SLC4A4: variants seen among roughly 807,000 people sequenced by gnomAD.
SLC4A4 encodes solute carrier family 4 member 4.
SLC4A4 carries 27 observed loss-of-function variants against 111.5 expected under a neutral mutation model. The ratio of observed to expected loss-of-function variants is 0.24; its 90% CI spans 0.18 to 0.33. The LOEUF (loss-of-function observed/expected upper bound fraction) is 0.33, where lower values mean the gene tolerates loss of function less well. SLC4A4 is among the 10% of genes least tolerant of loss of function. The pLI is 1.00. For missense variants in SLC4A4, 909 were observed against 1,315.5 expected, an observed-to-expected ratio of 0.69 and a Z score of 4.78; for synonymous variants, 443 against 463.4, an observed-to-expected ratio of 0.96 and a Z score of 0.57.
chr4:71,405,944 G>A lies in SLC4A4; in HGVS notation c.807+8291G>A, dbSNP rs571808660. On this transcript the variant is annotated intron_variant, in intron 7 of 25. Coordinates refer to ENST00000264485, the MANE Select transcript of SLC4A4 (RefSeq NM_001098484.3). Reference sequence around the variant, plus strand: ...AAGTAAGGAGGTGAAAAGTGCAGTGGCCATATACTTGCTTTGACTGAAGAT... The same window carrying A: ...AAGTAAGGAGGTGAAAAGTGCAGTGACCATATACTTGCTTTGACTGAAGAT... Among the ~76,000 whole-genome samples, 35 of 110,180 alleles carry A rather than the reference G, an allele frequency of 3.2e-4. No individual in the cohort carries two copies. The South Asian group carries it at 4.0e-3, about 12-fold the overall frequency. 72.3% of individuals were successfully genotyped at this position (110,180 alleles called of 152,430 possible).
chr4:71,410,527 A>G (rs1004263880), intron 7 of SLC4A4, among the ~76,000 whole-genome samples: 3 of 152,108 alleles, frequency 2.0e-5, no homozygotes, highest in South Asian at 4.2e-4. Context: ...CAATACCTGT[A>G]CTCCCATTGT....
At chr4:71,504,974 GT>G (rs1393743699) in intron 16 of SLC4A4, among the ~76,000 whole-genome samples, 1 of 152,106 alleles carries the variant, frequency 6.6e-6, no homozygotes, top group Non-Finnish European at 1.5e-5. Flanking sequence ...GTGAGAACAT[GT>G]GGTATTTGGT....
chr4:71,478,721 T>C (rs915513523), intron 14 of SLC4A4, among the ~76,000 whole-genome samples: 2 of 151,748 alleles, frequency 1.3e-5, no homozygotes, highest in East Asian at 3.9e-4. Context: ...CTGCACATTC[T>C]GCACATGTAT....
At chr4:71,173,660 C>T (rs1294147654) in intron 2 of SLC4A4, among the ~76,000 whole-genome samples, 1 of 152,148 alleles carries the variant, frequency 6.6e-6, no homozygotes, top group African/African-American at 2.4e-5. Context: ...CAGGCATAAG[C>T]CACTGTGCCT....
At chr4:71,350,601 C>CG (rs1387854068) in intron 5 of SLC4A4, among the ~76,000 whole-genome samples, 1 of 151,938 alleles carries the variant, frequency 6.6e-6, no homozygotes, top group African/African-American at 2.4e-5. Context: ...ACAAGCTCTC[C>CG]GAAAAAGAAC....
chr4:71,303,602 C>T (rs925170500), intron 3 of SLC4A4, among the ~76,000 whole-genome samples: 3 of 152,118 alleles, frequency 2.0e-5, no homozygotes, highest in African/African-American at 7.2e-5. Context: ...AGATGGGAGG[C>T]CGTAATTTAA....
At chr4:71,139,726 A>AGTATTT (rs1283281750) in intron 2 of SLC4A4, among the ~76,000 whole-genome samples, 2 of 152,148 alleles carry the variant, frequency 1.3e-5, no homozygotes, top group African/African-American at 4.8e-5. Context: ...ACTGATACAT[A>AGTATTT]GTATTTGTAC....
At chr4:71,262,634 T>C (rs548763681) in intron 3 of SLC4A4, among the ~76,000 whole-genome samples, 2 of 152,322 alleles carry the variant, frequency 1.3e-5, no homozygotes, top group South Asian at 4.1e-4. Flanking sequence ...GCAATACTTC[T>C]TATTTGGAAT....
intron 6 of SLC4A4, among the ~76,000 whole-genome samples, chr4:71,371,070 T>C (rs913322424): frequency 1.3e-5 from 2 of 152,284 alleles, no homozygotes; most frequent in African/African-American, 4.8e-5. Context: ...ACCTAGTGAA[T>C]AACTAAGGTG....
At chr4:71,086,944 C>G (rs199764958) in intron 1 of SLC4A4, among the ~76,000 whole-genome samples, 1 of 152,020 alleles carries the variant, frequency 6.6e-6, no homozygotes, top group Admixed American at 6.5e-5. Context: ...AGGATTCCCT[C>G]TTTTTCTATT....
rs1426839507 is a variant in SLC4A4, at chr4:71,568,737, G to T, written c.*986G>T. ...AGCTGCCAGGCTTTCTGTAAAAATT[G>T]TATTGTATATAATGTGATTTTTACA... On this transcript the variant is annotated 3_prime_UTR_variant, in exon 26 of 26. Transcript: ENST00000264485. 5 of 152,002 alleles carry T rather than the reference G, an allele frequency of 3.3e-5. No homozygotes were observed. The highest frequency in any genetic ancestry group is 1.3e-4 in the Admixed American group (2 of 15,154). 9.4% of individuals were successfully genotyped at this position (152,002 alleles called of 1,614,324 possible).
chr4:71,134,224 A>G (rs1268128492), intron 2 of SLC4A4, among the ~76,000 whole-genome samples: 1 of 152,266 alleles, frequency 6.6e-6, no homozygotes, highest in African/African-American at 2.4e-5. Context: ...GGCTTCAAGA[A>G]TATTTAAAGC....
At chr4:71,483,991 T>C (rs1729131759) in intron 14 of SLC4A4, among the ~76,000 whole-genome samples, 1 of 151,946 alleles carries the variant, frequency 6.6e-6, no homozygotes, top group Admixed American at 6.6e-5. Flanking sequence ...AAGTGTCTGT[T>C]CATGTCCTTA....
intron 2 of SLC4A4, among the ~76,000 whole-genome samples, chr4:71,241,726 T>G (rs1720241126): frequency 6.6e-6 from 1 of 152,166 alleles, no homozygotes; most frequent in African/African-American, 2.4e-5. Flanking sequence ...AGGAAACTCT[T>G]GGGCAAATAC....
At chr4:71,315,587 T>C (rs574599622) in intron 3 of SLC4A4, among the ~76,000 whole-genome samples, 7 of 152,116 alleles carry the variant, frequency 4.6e-5, no homozygotes, top group Admixed American at 6.6e-5. Context: ...TGGGGTTGAG[T>C]ACAGTATAAA....
intron 5 of SLC4A4, among the ~76,000 whole-genome samples, chr4:71,352,749 A>G (rs960408464): frequency 6.6e-6 from 1 of 152,240 alleles, no homozygotes; most frequent in African/African-American, 2.4e-5. Flanking sequence ...TGAATAGTTT[A>G]TCCAGATATT....
intron 16 of SLC4A4, among the ~76,000 whole-genome samples, chr4:71,529,439 A>G (rs953061625): frequency 6.8e-6 from 1 of 147,302 alleles, no homozygotes; most frequent in African/African-American, 2.5e-5. Context: ...ATGCGTCTTG[A>G]TCTCACTATC....
chr4:71,229,615 G>T (rs1205790870), intron 1 of SLC4A4, among the ~76,000 whole-genome samples: 1 of 152,122 alleles, frequency 6.6e-6, no homozygotes, highest in Non-Finnish European at 1.5e-5. Flanking sequence ...CTGGGAAGGA[G>T]ATTTGCTTCG....
rs538646146 is a variant in SLC4A4, at chr4:71,478,328, A to G, written c.1903+5358A>G. Among the ~76,000 whole-genome samples the G allele has an allele frequency of 2.0e-5, 3 of 152,120 alleles. No individual in the cohort carries two copies. The South Asian group carries it at 6.2e-4, about 32-fold the overall frequency. ...GCATAAGTGTCTTTATTGCAGCAAT[A>G]TTCACAATAGCAAAGACTTGGAACC... On this transcript the variant is annotated intron_variant, in intron 14 of 25. Transcript: ENST00000264485.
Sources: allele counts gnomAD v4.1 joint callset (sites outside exome capture counted in the v4.1 genomes callset), GRCh38; gene constraint gnomAD v4.1.1; transcripts MANE v1.5; gene names NCBI Gene and HGNC (gene_info 2026-07-23, HGNC 2026-07-21).